IL1RAPL1: variants seen among roughly 807,000 people sequenced by gnomAD.
The protein encoded by IL1RAPL1 is interleukin 1 receptor accessory protein like 1, also known as interleukin-1 receptor accessory protein-like 1.
IL1RAPL1 carries 3 observed loss-of-function variants against 48.4 expected under a neutral mutation model. The observed-to-expected ratio is 0.06, with a 90% CI of 0.03 to 0.16. The LOEUF (loss-of-function observed/expected upper bound fraction) is 0.16. Ranked by LOEUF, IL1RAPL1 falls within the 10% of genes least tolerant of loss-of-function variation. IL1RAPL1 has a pLI of 1.00. For synonymous variants in IL1RAPL1, 185 were observed against 187.7 expected, an observed-to-expected ratio of 0.99 and a Z score of 0.12; for missense variants, 349 against 530.6, an observed-to-expected ratio of 0.66 and a Z score of 3.36.
chrX:29,804,670 T>G (rs755006381), intron 6 of IL1RAPL1, among the ~76,000 whole-genome samples: 15 of 112,330 alleles, frequency 1.3e-4, no homozygotes, highest in Non-Finnish European at 2.4e-4. Context: ...TAAACCTCTT[T>G]CCTTTATAAA....
chrX:29,010,216 T>A (rs1223787634), intron 2 of IL1RAPL1, among the ~76,000 whole-genome samples: 2 of 112,005 alleles, frequency 1.8e-5, no homozygotes, highest in Non-Finnish European at 3.8e-5. Context: ...CTTCTTCTTT[T>A]CCTATTTGAA....
rs771663052 is a variant in IL1RAPL1, at chrX:29,701,130, A to G, written c.778+32626A>G. ...CAATGTTGGGTCATTTTTGTATTTT[A>G]TGCTTCAAAGAAAATGACCATTCAG... On this transcript the variant is annotated intron_variant, in intron 6 of 10. Coordinates refer to ENST00000378993, the MANE Select transcript of IL1RAPL1 (RefSeq NM_014271.4). Among the ~76,000 whole-genome samples the G allele has an allele frequency of 6.2e-5, 7 of 112,014 alleles. No homozygotes were observed. In the East Asian group the frequency reaches 2.0e-3, roughly 31 times the overall value.
chrX:29,712,254 G>A (rs1193950890), intron 6 of IL1RAPL1, among the ~76,000 whole-genome samples: 1 of 109,150 alleles, frequency 9.2e-6, no homozygotes, highest in Non-Finnish European at 1.9e-5. Flanking sequence ...ACTATCTGAC[G>A]ACTAAGGTGA....
Position 29,612,522 on chromosome X carries a change from C to T in IL1RAPL1, c.704-55908C>T, listed in dbSNP as rs775667225. 5.4e-5 allele frequency among the ~76,000 whole-genome samples: 6 copies of T among 111,509 alleles called. No homozygotes were observed. In the South Asian group the frequency reaches 2.2e-3, roughly 42 times the overall value. On this transcript the variant is annotated intron_variant, in intron 5 of 10. Coordinates refer to ENST00000378993, the MANE Select transcript of IL1RAPL1 (RefSeq NM_014271.4). The stretch of plus-strand genomic sequence containing the variant: ...ATTTTGCTGTATTTTCCTAAATTAT[C>T]TCTCAGCTAATACCTGACTTCATCC...
chrX:28,997,349 A>G (rs902267794), intron 2 of IL1RAPL1, among the ~76,000 whole-genome samples: 1 of 111,855 alleles, frequency 8.9e-6, no homozygotes, highest in African/African-American at 3.2e-5. Context: ...ACATATGGAT[A>G]TGCTTATTAG....
intron 6 of IL1RAPL1, among the ~76,000 whole-genome samples, chrX:29,813,651 A>G (rs1448225166): frequency 2.7e-5 from 3 of 111,122 alleles, no homozygotes; most frequent in Non-Finnish European, 1.9e-5. Flanking sequence ...GGAATACTGC[A>G]TGATGCTGAG....
At chrX:29,706,944 C>T (rs1927215827) in intron 6 of IL1RAPL1, among the ~76,000 whole-genome samples, 1 of 111,725 alleles carries the variant, frequency 9.0e-6, no homozygotes, top group East Asian at 2.8e-4. Flanking sequence ...AACAGATGGA[C>T]TTACATAAAT....
chrX:29,538,478 C>T (rs1457922640), intron 5 of IL1RAPL1, among the ~76,000 whole-genome samples: 2 of 106,877 alleles, frequency 1.9e-5, no homozygotes, highest in African/African-American at 6.8e-5. Flanking sequence ...GCTGGGATTA[C>T]AGGCGCCTGC....
At chrX:29,769,863 T>G (rs765963896) in intron 6 of IL1RAPL1, among the ~76,000 whole-genome samples, 1 of 109,530 alleles carries the variant, frequency 9.1e-6, no homozygotes, top group African/African-American at 3.3e-5. Context: ...GATCCGCCTG[T>G]CTTGGCCTCC....
At chrX:29,367,153 C>T (rs1933473546) in intron 3 of IL1RAPL1, among the ~76,000 whole-genome samples, 1 of 111,578 alleles carries the variant, frequency 9.0e-6, no homozygotes, top group Non-Finnish European at 1.9e-5. Context: ...TCTTCCCCTG[C>T]AATTCCCTGT....
intron 5 of IL1RAPL1, among the ~76,000 whole-genome samples, chrX:29,574,619 A>G (rs1298243476): frequency 9.0e-6 from 1 of 111,315 alleles, no homozygotes; most frequent in Non-Finnish European, 1.9e-5. Context: ...GCTCCTCTTT[A>G]CTTATGCAAA....
chrX:29,701,499 T>A (rs1405516543), intron 6 of IL1RAPL1, among the ~76,000 whole-genome samples: 1 of 112,184 alleles, frequency 8.9e-6, no homozygotes, highest in African/African-American at 3.2e-5. Context: ...TTGTCATATA[T>A]TCAAGAGAGT....
At chrX:29,721,162 C>CA (rs36009134) in intron 6 of IL1RAPL1, among the ~76,000 whole-genome samples, 8,889 of 111,635 alleles carry the variant, frequency 0.08, 818 homozygotes, top group African/African-American at 0.27. Flanking sequence ...ACACAATGAC[C>CA]GGGGCAGCTC....
intron 1 of IL1RAPL1, among the ~76,000 whole-genome samples, chrX:28,598,957 G>A (rs1375517733): frequency 2.8e-5 from 3 of 108,556 alleles, no homozygotes; most frequent in Non-Finnish European, 5.8e-5. Flanking sequence ...AAACATTTGA[G>A]GGCCAGGCAT....
At chrX:29,158,940 CTCCCTCCCTCT>C (rs1929625240) in intron 2 of IL1RAPL1, among the ~76,000 whole-genome samples, 4 of 59,561 alleles carry the variant, frequency 6.7e-5, no homozygotes, top group African/African-American at 2.8e-4. Context: ...CTCCCCCCCC[CTCCCTCCCTCT>C]CCCTCTCTCT....
intron 2 of IL1RAPL1, among the ~76,000 whole-genome samples, chrX:28,957,098 C>G (rs759365066): frequency 9.1e-6 from 1 of 110,320 alleles, no homozygotes; most frequent in Non-Finnish European, 1.9e-5. Context: ...TCTGTGGGAT[C>G]GGTGGTGATA....
At chrX:29,240,797 C>T (rs1479306866) in intron 2 of IL1RAPL1, among the ~76,000 whole-genome samples, 1 of 111,496 alleles carries the variant, frequency 9.0e-6, no homozygotes, top group Non-Finnish European at 1.9e-5. Flanking sequence ...TTTTTCTCAA[C>T]CAAAAGTAAT....
At chrX:28,963,595 C>T (rs935963627) in intron 2 of IL1RAPL1, among the ~76,000 whole-genome samples, 1 of 111,086 alleles carries the variant, frequency 9.0e-6, no homozygotes, top group African/African-American at 3.3e-5. Context: ...AGGTGCCCAT[C>T]CTCCTTTGAA....
intron 1 of IL1RAPL1, among the ~76,000 whole-genome samples, chrX:28,688,774 T>C (rs1935142686): frequency 9.0e-6 from 1 of 111,675 alleles, no homozygotes; most frequent in Non-Finnish European, 1.9e-5. Flanking sequence ...CAATTAAATA[T>C]AATCTCTACA....
Sources: gnomAD v4.1 joint callset for allele counts (sites outside exome capture counted in the v4.1 genomes callset) on GRCh38, gnomAD v4.1.1 for gene constraint, MANE v1.5 for transcripts, NCBI Gene and HGNC (gene_info 2026-07-23, HGNC 2026-07-21) for gene names.